Variants in XKR9 observed in about 807,000 individuals in gnomAD.
XKR9 encodes XK related 9, also known as XK-related protein 9.
In XKR9, 32 loss-of-function variants were observed where a neutral mutation model predicts 32.0. The ratio of observed to expected loss-of-function variants is 1.00; its 90% CI spans 0.76 to 1.34. The LOEUF (loss-of-function observed/expected upper bound fraction) is 1.34, where lower values mean the gene tolerates loss of function less well. XKR9 is among the 40% of genes most tolerant of loss of function. The probability of loss-of-function intolerance (pLI) is 0.00; values close to 1 mark genes in which losing one functional copy is unlikely to be tolerated. For synonymous variants in XKR9, 168 were observed against 143.4 expected (o/e 1.17, Z -1.22); for missense variants, 546 against 429.7 (o/e 1.27, Z -2.39).
chr8:70,871,094 G>A, the XKR9 span, among the ~76,000 whole-genome samples: 3 of 152,104 alleles, frequency 2.0e-5, no homozygotes, highest in Non-Finnish European at 2.9e-5. Flanking sequence ...ATTTGAAACA[G>A]TAAAGGAATA....
chr8:70,908,906 G>A, the XKR9 span, among the ~76,000 whole-genome samples: 1 of 152,180 alleles, frequency 6.6e-6, no homozygotes, highest in Non-Finnish European at 1.5e-5. Context: ...GTCATATGTG[G>A]AATTTTTAGT....
intron 4 of XKR9, among the ~76,000 whole-genome samples, chr8:70,718,985 C>T (rs1806184812): frequency 6.6e-6 from 1 of 152,098 alleles, no homozygotes; most frequent in East Asian, 1.9e-4. Flanking sequence ...TCTGTTGTTT[C>T]TTGACTTTTT....
At chr8:70,728,786 A>G (rs183936176) in intron 4 of XKR9, among the ~76,000 whole-genome samples, 2 of 152,228 alleles carry the variant, frequency 1.3e-5, no homozygotes, top group African/African-American at 4.8e-5. Context: ...TAATTATTGC[A>G]TACGGTGCAG....
At chr8:70,858,251 A>G in the XKR9 span, among the ~76,000 whole-genome samples, 1 of 152,210 alleles carries the variant, frequency 6.6e-6, no homozygotes, top group Non-Finnish European at 1.5e-5. Flanking sequence ...TTAAGCTGAT[A>G]AGCAACTTCA....
the XKR9 span, among the ~76,000 whole-genome samples, chr8:70,912,424 G>A: frequency 6.6e-6 from 1 of 152,022 alleles, no homozygotes; most frequent in African/African-American, 2.4e-5. Flanking sequence ...CACAATAGGA[G>A]CATAAAATAA....
chr8:70,872,560 G>A, the XKR9 span, among the ~76,000 whole-genome samples: 1 of 152,244 alleles, frequency 6.6e-6, no homozygotes, highest in African/African-American at 2.4e-5. Context: ...TACATTGGTA[G>A]AAGATAGCTT....
the XKR9 span, among the ~76,000 whole-genome samples, chr8:71,041,380 C>G: frequency 6.6e-6 from 1 of 152,078 alleles, no homozygotes; most frequent in Non-Finnish European, 1.5e-5. Flanking sequence ...AAAATGCAGG[C>G]TATGTTTAGA....
At chr8:70,811,748 T>C in the XKR9 span, among the ~76,000 whole-genome samples, 3 of 152,164 alleles carry the variant, frequency 2.0e-5, no homozygotes, top group Admixed American at 6.5e-5. Context: ...CAGGAAGAAG[T>C]TGAATCTCAG....
chr8:70,877,948 T>C, the XKR9 span, among the ~76,000 whole-genome samples: 1 of 152,226 alleles, frequency 6.6e-6, no homozygotes, highest in Non-Finnish European at 1.5e-5. Flanking sequence ...CCCATCAGAC[T>C]AACAGTGGAT....
chr8:70,706,026 G>A (rs1388431131), intron 3 of XKR9, among the ~76,000 whole-genome samples: 2 of 152,172 alleles, frequency 1.3e-5, no homozygotes, highest in East Asian at 3.8e-4. Flanking sequence ...TTTGGTCTGA[G>A]CAATATAGTG....
At chr8:70,760,506 A>G (rs190147719) in intron 2 of XKR9, among the ~76,000 whole-genome samples, 14 of 152,266 alleles carry the variant, frequency 9.2e-5, no homozygotes, top group African/African-American at 3.4e-4. Context: ...GCAACATAAA[A>G]CGTACTATTT....
the XKR9 span, among the ~76,000 whole-genome samples, chr8:70,850,077 C>T: frequency 1.3e-5 from 2 of 152,080 alleles, no homozygotes; most frequent in Non-Finnish European, 2.9e-5. Flanking sequence ...TGAAACTATT[C>T]CAAGCAATAG....
At chr8:71,044,379 G>T in the XKR9 span, among the ~76,000 whole-genome samples, 6 of 152,284 alleles carry the variant, frequency 3.9e-5, no homozygotes, top group Admixed American at 2.0e-4. Flanking sequence ...AACAGCCCCA[G>T]AGATAAGAAC....
the XKR9 span, among the ~76,000 whole-genome samples, chr8:71,023,309 C>T: frequency 6.6e-6 from 1 of 152,138 alleles, no homozygotes; most frequent in Non-Finnish European, 1.5e-5. Context: ...CTGGGTAGAG[C>T]GCTTCAGCTT....
chr8:70,976,236 G>T, the XKR9 span, among the ~76,000 whole-genome samples: 1 of 129,320 alleles, frequency 7.7e-6, no homozygotes, highest in Non-Finnish European at 1.7e-5. Flanking sequence ...CTGCCTGATT[G>T]CCCTGGCCAG....
At chr8:70,733,095 A>C (rs1448101304) in intron 4 of XKR9, among the ~76,000 whole-genome samples, 3 of 152,224 alleles carry the variant, frequency 2.0e-5, no homozygotes, top group African/African-American at 7.2e-5. Flanking sequence ...TGACAGAGTG[A>C]GACTCCATCT....
chr8:70,884,849 T>C, the XKR9 span, among the ~76,000 whole-genome samples: 1 of 152,200 alleles, frequency 6.6e-6, no homozygotes, highest in Non-Finnish European at 1.5e-5. Flanking sequence ...AATATCGTGT[T>C]AGCTATTCTA....
At chr8:70,870,051 T>C in the XKR9 span, among the ~76,000 whole-genome samples, 422 of 152,348 alleles carry the variant, frequency 2.8e-3, 5 homozygotes, top group African/African-American at 9.5e-3. Context: ...TTTAGTTGCC[T>C]TCAGTTATAA....
intron 2 of XKR9, among the ~76,000 whole-genome samples, chr8:70,764,095 A>T (rs935438695): frequency 2.0e-5 from 3 of 152,188 alleles, no homozygotes; most frequent in Non-Finnish European, 4.4e-5. Flanking sequence ...CCATTATGAG[A>T]TAACCTATGT....
Sources: gnomAD v4.1 joint callset for allele counts (sites outside exome capture counted in the v4.1 genomes callset) on GRCh38, gnomAD v4.1.1 for gene constraint, MANE v1.5 for transcripts, NCBI Gene and HGNC (gene_info 2026-07-23, HGNC 2026-07-21) for gene names.